CEP162: variants seen among roughly 807,000 people sequenced by gnomAD.
CEP162 encodes the protein centrosomal protein 162.
A neutral mutation model predicts 169.2 loss-of-function variants in CEP162; 141 were observed. The ratio of observed to expected loss-of-function variants is 0.83; its 90% CI spans 0.73 to 0.96. The LOEUF (loss-of-function observed/expected upper bound fraction) is 0.96, where lower values mean the gene tolerates loss of function less well. Ranked by LOEUF, CEP162 falls within the 40% of genes least tolerant of loss-of-function variation. CEP162 has a pLI of 0.00. For missense variants in CEP162, 1,600 were observed against 1,587.2 expected (o/e 1.01, Z -0.14); for synonymous variants, 540 against 526.4 (o/e 1.03, Z -0.35).
intron 6 of CEP162, among the ~76,000 whole-genome samples, chr6:84,208,571 T>C (rs1435327141): frequency 1.3e-5 from 2 of 152,152 alleles, no homozygotes; most frequent in African/African-American, 2.4e-5. Context: ...TTGAGAGGGT[T>C]TGGGAGTGAA....
chr6:84,149,952 A>AT (rs61139151), intron 23 of CEP162, among the ~76,000 whole-genome samples: 36,992 of 152,076 alleles, frequency 0.24, 9,915 homozygotes, highest in African/African-American at 0.67. Flanking sequence ...TCTCTACTTT[A>AT]CCCCAACCTG....
rs1301327742 is a variant in CEP162 at position 84,167,565 on chromosome 6, T to C, written c.2385+1763A>G. Among the ~76,000 whole-genome samples the C allele has an allele frequency of 2.0e-5, 3 of 152,204 alleles. No individual in the cohort carries two copies. The East Asian group carries it at 5.8e-4, about 29-fold the overall frequency. The stretch of plus-strand genomic sequence containing the variant: ...AGCAAATCATCAGCTGGATTTTATC[T>C]GTGGGAATACTGTGTTGCTTGGGTT... On this transcript the variant is annotated intron_variant, in intron 18 of 26. Coordinates refer to ENST00000403245, the MANE Select transcript of CEP162 (RefSeq NM_014895.4).
At chr6:84,177,285 T>C (rs1260091037) in intron 13 of CEP162, among the ~76,000 whole-genome samples, 1 of 152,178 alleles carries the variant, frequency 6.6e-6, no homozygotes, top group East Asian at 1.9e-4. Context: ...GTACTCATAT[T>C]TTCTCATTTT....
At chr6:84,150,985 T>C (rs1006041891) in intron 23 of CEP162, among the ~76,000 whole-genome samples, 1 of 152,126 alleles carries the variant, frequency 6.6e-6, no homozygotes, top group Non-Finnish European at 1.5e-5. Flanking sequence ...CCTTTCTTGG[T>C]ACATATTAGT....
chr6:84,185,183 T>C lies in CEP162; in HGVS notation c.1663+4A>G. 6.2e-7 allele frequency: 1 copy of C among 1,606,190 alleles called. No homozygotes were observed. Among genetic ancestry groups the C allele is most frequent in the South Asian group, 1.1e-5 (1 of 90,826 alleles). ...AATATACTAAATAAAGAGTATATGA[T>C]TACCTTTTTTCCTAGGTTGATTGGA... On this transcript the variant is annotated splice_donor_region_variant and intron_variant, in intron 13 of 26. Transcript: ENST00000403245.
intron 3 of CEP162, among the ~76,000 whole-genome samples, chr6:84,218,166 G>A (rs950307116): frequency 2.0e-5 from 3 of 152,230 alleles, no homozygotes; most frequent in Non-Finnish European, 4.4e-5. Context: ...CTGCTAAGAT[G>A]TGAAGAAAGA....
Position 84,219,322 on chromosome 6 carries a change from A to C in CEP162, c.172+1735T>G, listed in dbSNP as rs181330123. The C allele has an allele frequency of 4.4e-4, 175 of 400,362 alleles. 1 individual carries two copies. Among genetic ancestry groups the C allele is most frequent in the Admixed American group, 7.1e-4 (20 of 28,308 alleles). 24.8% of individuals were successfully genotyped at this position (400,362 alleles called of 1,614,324 possible). On this transcript the variant is annotated intron_variant, in intron 3 of 26. Coordinates refer to ENST00000403245, the MANE Select transcript of CEP162 (RefSeq NM_014895.4). ...CCGCTGTTTAAGCTGACATTGTCAA[A>C]GTTTGCTTCTTGACTATCCTTCTTT...
At chr6:84,129,212 T>G (rs191792291) in intron 25 of CEP162, among the ~76,000 whole-genome samples, 6 of 152,302 alleles carry the variant, frequency 3.9e-5, no homozygotes, top group African/African-American at 1.4e-4. Context: ...TACCCAGTAA[T>G]GGGATGGCTG....
chr6:84,194,794 A>C, intron 10 of CEP162, 90 bp downstream of exon 10: 1 of 1,033,528 alleles, frequency 9.7e-7, no homozygotes, highest in Admixed American at 2.8e-5. Context: ...AGAAACAATC[A>C]CTACAGCAAA....
In CEP162 at chr6:84,152,813, T is replaced by G; in HGVS notation, c.3361A>C (p.Asn1121His). ...TCCTCTCTGCCCTTTGAGTTCTGAT[T>G]TGATAGCATCATTCTTCTGTCTTTC... The part of the protein sequence containing the change: ...LQKDRRMMLS[N>H]QNSKGREEMS... Residue 1121 changes from asparagine (N) to histidine (H), a missense_variant, in exon 23 of 27, where the codon AAT becomes CAT. Transcript: ENST00000403245. The G allele has an allele frequency of 6.2e-7, 1 of 1,613,648 alleles. No individual in the cohort carries two copies. The highest frequency in any genetic ancestry group is 8.5e-7 in the Non-Finnish European group (1 of 1,179,770).
intron 25 of CEP162, among the ~76,000 whole-genome samples, chr6:84,134,180 G>A (rs2099512865): frequency 6.6e-6 from 1 of 152,180 alleles, no homozygotes; most frequent in African/African-American, 2.4e-5. Context: ...GCTTACTCAA[G>A]CCTCAGTAAT....
At chr6:84,142,734 A>G (rs926426571) in intron 25 of CEP162, among the ~76,000 whole-genome samples, 1 of 152,168 alleles carries the variant, frequency 6.6e-6, no homozygotes, top group Non-Finnish European at 1.5e-5. Flanking sequence ...TCTGCTAGAC[A>G]TTTAAAATTA....
chr6:84,131,861 T>C (rs555655010), intron 25 of CEP162, among the ~76,000 whole-genome samples: 3 of 152,198 alleles, frequency 2.0e-5, no homozygotes, highest in African/African-American at 7.2e-5. Flanking sequence ...AATATTGTTA[T>C]GTGTGAATTT....
At chr6:84,132,032 G>T (rs967306565) in intron 25 of CEP162, among the ~76,000 whole-genome samples, 4 of 152,194 alleles carry the variant, frequency 2.6e-5, no homozygotes, top group Non-Finnish European at 5.9e-5. Flanking sequence ...TGTAAGGCAT[G>T]CCTGGTGGTG....
At chr6:84,173,917 T>C (rs949929984) in intron 16 of CEP162, 131 bp downstream of exon 16, 20 of 637,920 alleles carry the variant, frequency 3.1e-5, no homozygotes, top group Non-Finnish European at 5.2e-5. Context: ...ACTCCTGACC[T>C]CAGGTGATCC....
chr6:84,148,389 C>T (rs1259686917), intron 24 of CEP162, among the ~76,000 whole-genome samples: 2 of 152,000 alleles, frequency 1.3e-5, no homozygotes, highest in African/African-American at 2.4e-5. Flanking sequence ...ATTAGTCAGG[C>T]ATGGTGGCGT....
chr6:84,156,683 A>C (rs2099523308), intron 21 of CEP162, among the ~76,000 whole-genome samples: 1 of 151,872 alleles, frequency 6.6e-6, no homozygotes, highest in Admixed American at 6.6e-5. Context: ...CTAAAAAGAG[A>C]ACCACTTGAT....
At chr6:84,224,902 G>A (rs755702158) in intron 2 of CEP162, among the ~76,000 whole-genome samples, 5 of 152,094 alleles carry the variant, frequency 3.3e-5, no homozygotes, top group Admixed American at 1.3e-4. Context: ...GTCTGTATTT[G>A]AAATTTTAAA....
chr6:84,215,462 A>G lies in CEP162; in HGVS notation c.323T>C (p.Leu108Pro). 1 of 1,566,872 alleles carries G rather than the reference A, an allele frequency of 6.4e-7. No individual in the cohort carries two copies. The highest frequency in any genetic ancestry group is 8.6e-7 in the Non-Finnish European group (1 of 1,160,640). ...LSTDSLETNE[L>P]VVSELNHSSL... ...ACTATGGTTGAGCTCAGAAACTACTAGTTCTAAATGGAAAGCACAAATATA... is the reference window on the plus strand; with the variant it reads ...ACTATGGTTGAGCTCAGAAACTACTGGTTCTAAATGGAAAGCACAAATATA... Residue 108 changes from leucine (L) to proline (P), a missense_variant, in exon 5 of 27, where the codon CTA (leucine) becomes CCA (proline). Transcript: ENST00000403245.
Sources: allele counts gnomAD v4.1 joint callset (sites outside exome capture counted in the v4.1 genomes callset), GRCh38; gene constraint gnomAD v4.1.1; transcripts MANE v1.5; gene names NCBI Gene and HGNC (gene_info 2026-07-23, HGNC 2026-07-21).